DCAF5: variants seen among roughly 807,000 people sequenced by gnomAD.
The protein encoded by DCAF5 is DDB1- and CUL4-associated factor 5.
DCAF5 carries 9 observed loss-of-function variants against 80.7 expected under a neutral mutation model. That is an observed-to-expected ratio of 0.11 (90% CI 0.07 to 0.19). DCAF5 has a LOEUF of 0.19. Among genes scored for constraint, DCAF5 ranks in the 10% least tolerant of loss-of-function variants. The pLI, the probability that DCAF5 is intolerant of heterozygous loss-of-function variation, is 1.00. For synonymous variants in DCAF5, 433 were observed against 461.9 expected (o/e 0.94, Z 0.80); for missense variants, 842 against 1,205.7 (o/e 0.70, Z 4.47).
chr14:69,087,652 T>C (rs1157314618), intron 6 of DCAF5, among the ~76,000 whole-genome samples: 2 of 152,120 alleles, frequency 1.3e-5, no homozygotes, highest in Non-Finnish European at 2.9e-5. Flanking sequence ...ACAGATTGTA[T>C]AAAGGGCTTT....
chr14:69,116,548 G>A (rs550319802), intron 4 of DCAF5, 53 bp from the exon 5 acceptor site: 1 of 1,587,336 alleles, frequency 6.3e-7, no homozygotes, highest in African/African-American at 1.3e-5. Context: ...TGGGCCACTG[G>A]CAGGCAGATA....
chr14:69,152,438 T>C lies in DCAF5; in HGVS notation c.214+327A>G. 4.0e-6 allele frequency: 1 copy of C among 248,106 alleles called. No homozygotes were observed. 15.4% of individuals were successfully genotyped at this position (248,106 alleles called of 1,614,324 possible). ...CCTTTTAAAGTACGCGGAGGAAGAGTTTGCCGTCAAACTTTGTAGAGCGGT... is the reference window on the plus strand; with the variant it reads ...CCTTTTAAAGTACGCGGAGGAAGAGCTTGCCGTCAAACTTTGTAGAGCGGT... On this transcript the variant is annotated intron_variant, in intron 1 of 8. Coordinates refer to ENST00000341516, the MANE Select transcript of DCAF5 (RefSeq NM_003861.3). This position sits in a 1 kb window ranked among gnomAD's most constrained non-coding sequence, Gnocchi z 4.1.
intron 2 of DCAF5, 86 bp from the exon 3 acceptor site, chr14:69,119,316 GA>G: frequency 7.5e-7 from 1 of 1,325,720 alleles, no homozygotes. Context: ...AGTTTTCAGG[GA>G]AAAAATATGA....
chr14:69,130,284 G>T (rs1337404990), intron 1 of DCAF5, among the ~76,000 whole-genome samples: 2 of 152,184 alleles, frequency 1.3e-5, no homozygotes, highest in East Asian at 3.8e-4. Flanking sequence ...TAATTTAAAT[G>T]TCCATCAACA....
chr14:69,114,487 C>T (rs1475119812), intron 5 of DCAF5, among the ~76,000 whole-genome samples: 1 of 152,124 alleles, frequency 6.6e-6, no homozygotes, highest in Non-Finnish European at 1.5e-5. Flanking sequence ...TTCCTTCTGT[C>T]TCAATTTTTT....
chr14:69,114,806 G>T (rs1474591677), intron 5 of DCAF5, among the ~76,000 whole-genome samples: 1 of 152,112 alleles, frequency 6.6e-6, no homozygotes, highest in African/African-American at 2.4e-5. Flanking sequence ...GGAGACAAGT[G>T]GAAAGTGGGG....
chr14:69,144,858 A>C (rs1276332129), intron 1 of DCAF5, among the ~76,000 whole-genome samples: 1 of 152,202 alleles, frequency 6.6e-6, no homozygotes, highest in Non-Finnish European at 1.5e-5. Context: ...GAGTCCCGAC[A>C]GCCAGAGACA....
chr14:69,067,337 C>CTTTTTTTTT (rs58620965), intron 7 of DCAF5, among the ~76,000 whole-genome samples: 2 of 115,128 alleles, frequency 1.7e-5, no homozygotes, highest in African/African-American at 3.5e-5. Flanking sequence ...GATTTCGTAT[C>CTTTTTTTTT]TTTTTTTTTT....
intron 1 of DCAF5, among the ~76,000 whole-genome samples, chr14:69,146,881 A>G (rs185942540): frequency 2.0e-5 from 3 of 152,362 alleles, no homozygotes; most frequent in Admixed American, 2.0e-4. Context: ...TGTCTATACT[A>G]TGAAAGCTTT....
At chr14:69,059,572 A>C (rs758654615) in intron 8 of DCAF5, among the ~76,000 whole-genome samples, 5 of 152,218 alleles carry the variant, frequency 3.3e-5, no homozygotes, top group Non-Finnish European at 5.9e-5. Flanking sequence ...GTCGAGACTC[A>C]GCGGCCTTTC....
At chr14:69,067,337 C>CTTTTTTTT (rs58620965) in intron 7 of DCAF5, among the ~76,000 whole-genome samples, 6 of 115,128 alleles carry the variant, frequency 5.2e-5, no homozygotes, top group African/African-American at 1.0e-4. Flanking sequence ...GATTTCGTAT[C>CTTTTTTTT]TTTTTTTTTT....
chr14:69,107,898 G>C (rs1167274265), intron 5 of DCAF5, among the ~76,000 whole-genome samples: 2 of 152,118 alleles, frequency 1.3e-5, no homozygotes, highest in Non-Finnish European at 2.9e-5. Context: ...ACTGTGCTAG[G>C]CACTAGAGAT....
At chr14:69,130,062 G>GA (rs1253222613) in intron 1 of DCAF5, among the ~76,000 whole-genome samples, 4 of 152,114 alleles carry the variant, frequency 2.6e-5, no homozygotes, top group Admixed American at 2.6e-4. Context: ...AAAGGGTCCC[G>GA]AGCTATAAGC....
chr14:69,089,953 G>C (rs2039473594), intron 6 of DCAF5: 1 of 985,286 alleles, frequency 1.0e-6, no homozygotes, highest in Non-Finnish European at 1.2e-6. Flanking sequence ...CTTACATGTT[G>C]GCTAGAGGTC....
intron 1 of DCAF5, among the ~76,000 whole-genome samples, chr14:69,134,977 G>C (rs2041146645): frequency 1.3e-5 from 2 of 151,982 alleles, no homozygotes; most frequent in African/African-American, 4.8e-5. Context: ...TTTTTCTCTT[G>C]GACTTAGCTA....
Position 69,062,474 on chromosome 14 carries a change from C to G in DCAF5, c.984G>C (p.Val328=), listed in dbSNP as rs776423571. The G allele has an allele frequency of 8.1e-5, 130 of 1,613,414 alleles. 1 individual carries two copies. The highest frequency in any genetic ancestry group is 1.1e-4 in the South Asian group (10 of 91,004). The change falls in exon 8 of 9, where the codon GTG becomes GTC. Residue 328 remains valine (V), a synonymous_variant. Coordinates refer to ENST00000341516, the MANE Select transcript of DCAF5 (RefSeq NM_003861.3). ...TAACAATAGATCGATGCCCTTTCAG[C>G]ACCATGAAGGCTCCGTTGACCACCC... ...IGRVVNGAFM[V]LKGHRSIVNQ...
At chr14:69,080,464 A>G (rs1159168856) in intron 6 of DCAF5, among the ~76,000 whole-genome samples, 1 of 152,242 alleles carries the variant, frequency 6.6e-6, no homozygotes, top group Non-Finnish European at 1.5e-5. Flanking sequence ...TTAAAACTTA[A>G]GAAACACAGT....
At position 69,108,398 on chromosome 14, in the gene DCAF5, G is replaced by A. The variant is rs139633526; in HGVS notation, c.665+7968C>T. Among the ~76,000 whole-genome samples the A allele has an allele frequency of 2.2e-3, 331 of 152,228 alleles. 2 individuals are homozygous for A. The highest frequency in any genetic ancestry group is 7.4e-3 in the African/African-American group (308 of 41,520). ...AGCATCCTCTATGTGTATGTGTTTT[G>A]GGGGGTGGTGCAAAGGGAGAAGAGA... On this transcript the variant is annotated intron_variant, in intron 5 of 8. Transcript: ENST00000341516.
chr14:69,067,439 G>A (rs1426872234), intron 7 of DCAF5, among the ~76,000 whole-genome samples: 1 of 149,944 alleles, frequency 6.7e-6, no homozygotes, highest in Non-Finnish European at 1.5e-5. Context: ...CCGCTCCCAG[G>A]CTCAAGCAAT....
Sources: gnomAD v4.1 joint callset for allele counts (sites outside exome capture counted in the v4.1 genomes callset) on GRCh38, gnomAD v4.1.1 for gene constraint, Gnocchi (gnomAD v3.1) non-coding constraint, MANE v1.5 for transcripts, NCBI Gene and HGNC (gene_info 2026-07-23, HGNC 2026-07-21) for gene names.